Variants in SLIT2 observed in about 807,000 individuals in gnomAD.
The protein encoded by SLIT2 is slit guidance ligand 2.
In SLIT2, 41 loss-of-function variants were observed where a neutral mutation model predicts 185.7. The observed-to-expected ratio is 0.22, with a 90% CI of 0.17 to 0.29. The LOEUF (loss-of-function observed/expected upper bound fraction) is 0.29. SLIT2 is among the 10% of genes least tolerant of loss of function. The pLI is 1.00. For missense variants in SLIT2, 1,571 were observed against 1,909.0 expected (o/e 0.82, Z 3.30); for synonymous variants, 693 against 680.2 (o/e 1.02, Z -0.29).
In SLIT2 at chr4:20,506,723, G is replaced by A. The variant is rs143407196; in HGVS notation, c.915-3772G>A. ...AAAAGTTTGCAATAAGTACACATTA[G>A]TTTATTGTTTCTCCACTAAATAAGA... is the stretch of plus-strand genomic sequence containing the variant. On this transcript the variant is annotated intron_variant, in intron 9 of 36. Coordinates refer to ENST00000504154, the MANE Select transcript of SLIT2 (RefSeq NM_004787.4). Among the ~76,000 whole-genome samples the A allele has an allele frequency of 4.8e-3, 728 of 151,986 alleles. 7 individuals carry two copies. The highest frequency in any genetic ancestry group is 0.017 in the African/African-American group (704 of 41,506).
intron 9 of SLIT2, among the ~76,000 whole-genome samples, chr4:20,508,289 CTTA>C (rs1388712860): frequency 6.6e-6 from 1 of 151,874 alleles, no homozygotes; most frequent in African/African-American, 2.4e-5. Flanking sequence ...AAAGGCACAA[CTTA>C]TTATACCTAA....
chr4:20,452,347 G>A (rs973515530), intron 4 of SLIT2, among the ~76,000 whole-genome samples: 28 of 152,252 alleles, frequency 1.8e-4, no homozygotes, highest in African/African-American at 6.0e-4. Context: ...TTGGAGAATC[G>A]ATTACTTCTT....
At chr4:20,530,406 C>T (rs987707038) in intron 16 of SLIT2, among the ~76,000 whole-genome samples, 12 of 152,002 alleles carry the variant, frequency 7.9e-5, no homozygotes, top group African/African-American at 2.9e-4. Context: ...CCCCCATCTC[C>T]CCAAGAAGCT....
intron 33 of SLIT2, among the ~76,000 whole-genome samples, chr4:20,602,919 C>T (rs1728514674): frequency 6.6e-6 from 1 of 151,948 alleles, no homozygotes; most frequent in African/African-American, 2.4e-5. Context: ...AGGACTCTAA[C>T]CAGCAACATA....
In SLIT2 at chr4:20,581,444, AT is replaced by A. The variant is rs150457225; in HGVS notation, c.3089-8196del. The stretch of plus-strand genomic sequence containing the variant: ...TGAATCCTCAACACCACATCACTGT[AT>A]TTTAAACTCTGTTTGCACCAGAAAA... On this transcript the variant is annotated intron_variant, in intron 29 of 36. Transcript: ENST00000504154. 4.5e-3 allele frequency among the ~76,000 whole-genome samples: 682 copies of A among 152,254 alleles called. 4 individuals are homozygous for A. Among genetic ancestry groups the A allele is most frequent in the African/African-American group, 0.016 (659 of 41,546 alleles).
At chr4:20,392,019 T>C (rs1725462369) in intron 4 of SLIT2, among the ~76,000 whole-genome samples, 1 of 152,094 alleles carries the variant, frequency 6.6e-6, no homozygotes, top group African/African-American at 2.4e-5. Context: ...ATTGATAGTA[T>C]GCCAGTTGTT....
intron 4 of SLIT2, among the ~76,000 whole-genome samples, chr4:20,377,045 A>C (rs561707705): frequency 6.6e-6 from 1 of 151,854 alleles, no homozygotes; most frequent in Non-Finnish European, 1.5e-5. Flanking sequence ...AAAAAATAAA[A>C]AGAGAGAGAG....
At chr4:20,367,680 A>T (rs1405410129) in intron 4 of SLIT2, among the ~76,000 whole-genome samples, 1 of 152,154 alleles carries the variant, frequency 6.6e-6, no homozygotes, top group Non-Finnish European at 1.5e-5. Flanking sequence ...TCCATCTGCC[A>T]GGAATAACTC....
At chr4:20,343,785 G>T (rs1240277794) in intron 4 of SLIT2, among the ~76,000 whole-genome samples, 1 of 138,366 alleles carries the variant, frequency 7.2e-6, no homozygotes, top group Non-Finnish European at 1.5e-5. Flanking sequence ...GGGATTATAG[G>T]CATGAGTCCT....
intron 6 of SLIT2, among the ~76,000 whole-genome samples, chr4:20,485,502 T>A (rs1435107988): frequency 6.6e-6 from 1 of 152,152 alleles, no homozygotes; most frequent in Non-Finnish European, 1.5e-5. Flanking sequence ...CACATATTCC[T>A]GGATCTGCTA....
chr4:20,334,797 A>T (rs1465064384), intron 4 of SLIT2, among the ~76,000 whole-genome samples: 1 of 152,188 alleles, frequency 6.6e-6, no homozygotes, highest in Non-Finnish European at 1.5e-5. Flanking sequence ...TGGCAAATCA[A>T]TTAAAATTCT....
chr4:20,380,289 T>A (rs987871196), intron 4 of SLIT2, among the ~76,000 whole-genome samples: 2 of 152,104 alleles, frequency 1.3e-5, no homozygotes, highest in Non-Finnish European at 2.9e-5. Context: ...CAAATCCAAA[T>A]TGCTTAGCTA....
At chr4:20,446,217 G>A (rs1380799819) in intron 4 of SLIT2, among the ~76,000 whole-genome samples, 1 of 152,198 alleles carries the variant, frequency 6.6e-6, no homozygotes. Context: ...GTTGAAGAGG[G>A]AAGCTGAGAA....
chr4:20,301,168 A>G (rs1267572366), intron 4 of SLIT2, among the ~76,000 whole-genome samples: 1 of 152,152 alleles, frequency 6.6e-6, no homozygotes, highest in Non-Finnish European at 1.5e-5. Flanking sequence ...ATCAAATAAG[A>G]TATTGAAGAG....
In SLIT2 at chr4:20,272,279, A is replaced by C. The variant is rs76884308; in HGVS notation, c.395+3398A>C. Among the ~76,000 whole-genome samples the C allele has an allele frequency of 7.4e-3, 1,123 of 151,222 alleles. 14 individuals are homozygous for C. The highest frequency in any genetic ancestry group is 0.026 in the African/African-American group (1,046 of 40,930). ...GACGATAGGTTGGAGGTTAAAAAAA[A>C]AAAAAATAAGCCAGCATGAAGTTTT... is the stretch of plus-strand genomic sequence containing the variant. On this transcript the variant is annotated intron_variant, in intron 4 of 36. Transcript: ENST00000504154.
At chr4:20,531,554 C>T (rs935521630) in intron 16 of SLIT2, among the ~76,000 whole-genome samples, 1 of 152,252 alleles carries the variant, frequency 6.6e-6, no homozygotes, top group East Asian at 1.9e-4. Flanking sequence ...AAAGATGGTT[C>T]CACAACTGAA....
At chr4:20,492,899 A>G (rs1410905420) in intron 9 of SLIT2, among the ~76,000 whole-genome samples, 2 of 152,188 alleles carry the variant, frequency 1.3e-5, no homozygotes, top group African/African-American at 4.8e-5. Flanking sequence ...AGTATCTACC[A>G]TGTGCTTAAT....
chr4:20,521,291 G>T (rs931330737), intron 12 of SLIT2, among the ~76,000 whole-genome samples: 1 of 152,202 alleles, frequency 6.6e-6, no homozygotes, highest in Non-Finnish European at 1.5e-5. Flanking sequence ...AAGCCTGCCA[G>T]AGGGAAAGAA....
intron 4 of SLIT2, among the ~76,000 whole-genome samples, chr4:20,452,087 A>G (rs910618913): frequency 3.9e-5 from 6 of 152,252 alleles, no homozygotes; most frequent in African/African-American, 1.2e-4. Context: ...GTTCCACAAG[A>G]TAAAGAAGCA....
Sources: gnomAD v4.1 joint callset for allele counts (sites outside exome capture counted in the v4.1 genomes callset) on GRCh38, gnomAD v4.1.1 for gene constraint, MANE v1.5 for transcripts, NCBI Gene and HGNC (gene_info 2026-07-23, HGNC 2026-07-21) for gene names.